Variants in EBF1 observed in about 807,000 individuals in gnomAD.
The protein encoded by EBF1 is transcription factor COE1.
In EBF1, 10 loss-of-function variants were observed where a neutral mutation model predicts 68.4. The ratio of observed to expected loss-of-function variants is 0.15; its 90% CI spans 0.09 to 0.25. The LOEUF (loss-of-function observed/expected upper bound fraction) is 0.25. Ranked by LOEUF, EBF1 falls within the 10% of genes least tolerant of loss-of-function variation. The pLI is 1.00. For synonymous variants in EBF1, 298 were observed against 299.8 expected (o/e 0.99, Z 0.06); for missense variants, 509 against 794.4 (o/e 0.64, Z 4.32).
chr5:159,005,882 G>A (rs1395289729), intron 6 of EBF1, among the ~76,000 whole-genome samples: 1 of 152,284 alleles, frequency 6.6e-6, no homozygotes, highest in African/African-American at 2.4e-5. Flanking sequence ...TTAAGCTATA[G>A]GTTAAGAATC....
At chr5:159,012,788 TG>T (rs1284366409) in intron 6 of EBF1, among the ~76,000 whole-genome samples, 2 of 152,212 alleles carry the variant, frequency 1.3e-5, no homozygotes, top group Non-Finnish European at 2.9e-5. Flanking sequence ...CATAAGCCAC[TG>T]CACCCAGCCT....
At chr5:158,945,165 G>A (rs1000362272) in intron 6 of EBF1, among the ~76,000 whole-genome samples, 5 of 152,142 alleles carry the variant, frequency 3.3e-5, no homozygotes, top group Admixed American at 3.3e-4. Context: ...GTCCTAAATG[G>A]TATTGCCTAG....
rs138269686 is a variant in EBF1 at position 158,701,568 on chromosome 5, G to A, written c.1745-2426C>T. On this transcript the variant is annotated intron_variant, in intron 15 of 15. Transcript: ENST00000313708. Reference sequence around the variant, plus strand: ...GAGCCCAGGCTGCGAACAGCAGTGAGTGAATCCCCTGGGTGCGTAAGTGAG... The same window carrying A: ...GAGCCCAGGCTGCGAACAGCAGTGAATGAATCCCCTGGGTGCGTAAGTGAG... Among the ~76,000 whole-genome samples the A allele has an allele frequency of 3.8e-3, 585 of 152,316 alleles. 3 individuals are homozygous for A. The highest frequency in any genetic ancestry group is 0.013 in the African/African-American group (552 of 41,554).
chr5:158,775,908 GATTA>G (rs893872166), intron 10 of EBF1, among the ~76,000 whole-genome samples: 3 of 151,912 alleles, frequency 2.0e-5, no homozygotes, highest in African/African-American at 7.3e-5. Context: ...CTGCTAGTTT[GATTA>G]TTCTTCAAAA....
rs529706458 is a variant in EBF1, at chr5:158,799,424, TAAA to T, written c.779-2952_779-2950del. On this transcript the variant is annotated intron_variant, in intron 8 of 15. Transcript: ENST00000313708. ...GTGAGACTCTGTCTCTTAAAATAAA[TAAA>T]TAAATTAATTAATTAAATTAAATTA... Among the ~76,000 whole-genome samples, 288 of 106,764 alleles carry T rather than the reference TAAA, an allele frequency of 2.7e-3. 2 individuals carry two copies. The highest frequency in any genetic ancestry group is 8.5e-3 in the African/African-American group (276 of 32,316). The allele number at this position is 106,764 out of a possible 152,430, so 70.0% of individuals were successfully genotyped here.
chr5:158,979,226 G>A (rs1019238229), intron 6 of EBF1, among the ~76,000 whole-genome samples: 2 of 152,136 alleles, frequency 1.3e-5, no homozygotes, highest in Non-Finnish European at 1.5e-5. Context: ...GAATTTCTGC[G>A]ACATGCTTTT....
intron 6 of EBF1, among the ~76,000 whole-genome samples, chr5:158,984,211 T>G (rs1473408109): frequency 1.3e-5 from 2 of 152,160 alleles, no homozygotes; most frequent in African/African-American, 4.8e-5. Flanking sequence ...GATATATCAA[T>G]GGTGGCCAAA....
intron 6 of EBF1, among the ~76,000 whole-genome samples, chr5:159,027,088 T>G (rs1012444464): frequency 1.3e-5 from 2 of 152,144 alleles, no homozygotes; most frequent in African/African-American, 4.8e-5. Flanking sequence ...GTCCCTCCAT[T>G]AGAAAACAGG....
At chr5:158,969,144 A>G (rs1243826464) in intron 6 of EBF1, among the ~76,000 whole-genome samples, 1 of 152,000 alleles carries the variant, frequency 6.6e-6, no homozygotes, top group African/African-American at 2.4e-5. Context: ...TCTACTAAAC[A>G]TACAAAAATT....
At chr5:158,776,211 C>T (rs1228273493) in intron 10 of EBF1, among the ~76,000 whole-genome samples, 2 of 151,948 alleles carry the variant, frequency 1.3e-5, no homozygotes, top group Non-Finnish European at 2.9e-5. Flanking sequence ...TTTCAGTTAA[C>T]TAAAACTAAT....
intron 11 of EBF1, among the ~76,000 whole-genome samples, chr5:158,724,053 A>G (rs763066959): frequency 2.0e-5 from 3 of 152,148 alleles, no homozygotes; most frequent in African/African-American, 7.2e-5. Flanking sequence ...GACTGAGCAT[A>G]TTATCAAATG....
intron 6 of EBF1, among the ~76,000 whole-genome samples, chr5:159,062,622 A>T (rs2127880823): frequency 6.6e-6 from 1 of 152,348 alleles, no homozygotes; most frequent in East Asian, 1.9e-4. Flanking sequence ...CTGCTTGCAC[A>T]GGGGTCTTTC....
At chr5:158,993,325 G>A (rs745695511) in intron 6 of EBF1, among the ~76,000 whole-genome samples, 24 of 152,144 alleles carry the variant, frequency 1.6e-4, no homozygotes, top group Non-Finnish European at 2.5e-4. Context: ...TAGGATTACA[G>A]GCATGAGCCA....
rs370599179 is a variant in EBF1 at position 158,697,548 on chromosome 5, G to A, written c.*1563C>T. 1.4e-4 allele frequency: 28 copies of A among 206,816 alleles called. No individual in the cohort carries two copies. Among genetic ancestry groups the A allele is most frequent in the African/African-American group, 4.6e-4 (20 of 43,906 alleles). 12.8% of individuals were successfully genotyped at this position (206,816 alleles called of 1,614,324 possible). Reference sequence around the variant, plus strand: ...GAAGGGAAAAGCAATGTACAAATTCGAAAGATAAATACATTATTTATATGG... The same window carrying A: ...GAAGGGAAAAGCAATGTACAAATTCAAAAGATAAATACATTATTTATATGG... On this transcript the variant is annotated 3_prime_UTR_variant, in exon 16 of 16. Coordinates refer to ENST00000313708, the MANE Select transcript of EBF1 (RefSeq NM_024007.5).
chr5:158,751,911 C>T (rs571433608), intron 10 of EBF1, among the ~76,000 whole-genome samples: 6 of 151,912 alleles, frequency 3.9e-5, no homozygotes, highest in Non-Finnish European at 8.8e-5. Context: ...AGTCGAGACT[C>T]AGGATTGTAG....
chr5:158,776,189 C>G (rs1486160961), intron 10 of EBF1, among the ~76,000 whole-genome samples: 2 of 152,082 alleles, frequency 1.3e-5, no homozygotes, highest in Admixed American at 6.6e-5. Context: ...CCTCTTGGGT[C>G]AATCCTATAA....
Position 158,953,408 on chromosome 5 carries a change from C to A in EBF1, c.555-113298G>T, listed in dbSNP as rs186403091. ...GATCATCATGCTACCCAGGAAAAGG[C>A]AGCAGAGGGACAGAAACCGGAGCTG... On this transcript the variant is annotated intron_variant, in intron 6 of 15. Coordinates refer to ENST00000313708, the MANE Select transcript of EBF1 (RefSeq NM_024007.5). Among the ~76,000 whole-genome samples, 33 of 152,298 alleles carry A rather than the reference C, an allele frequency of 2.2e-4. 1 individual carries two copies. The highest frequency in any genetic ancestry group is 1.9e-4 in the East Asian group (1 of 5,190).
chr5:158,748,903 G>C (rs1158859410), intron 10 of EBF1, among the ~76,000 whole-genome samples: 1 of 152,086 alleles, frequency 6.6e-6, no homozygotes, highest in Non-Finnish European at 1.5e-5. Flanking sequence ...GATCAAAGGA[G>C]GGGGGAAGAA....
chr5:158,894,924 C>A (rs1353514205), intron 6 of EBF1, among the ~76,000 whole-genome samples: 1 of 152,084 alleles, frequency 6.6e-6, no homozygotes, highest in African/African-American at 2.4e-5. Flanking sequence ...ATGCAGAACC[C>A]TTTAGATTTT....
Sources: gnomAD v4.1 joint callset for allele counts (sites outside exome capture counted in the v4.1 genomes callset) on GRCh38, gnomAD v4.1.1 for gene constraint, MANE v1.5 for transcripts, NCBI Gene and HGNC (gene_info 2026-07-23, HGNC 2026-07-21) for gene names.